Variants in FARS2 observed in about 807,000 individuals in gnomAD.
FARS2 encodes the protein phenylalanyl-tRNA synthetase 2, mitochondrial, also known as phenylalanine--tRNA ligase, mitochondrial.
FARS2 carries 40 observed loss-of-function variants against 46.4 expected under a neutral mutation model. The observed-to-expected ratio is 0.86, with a 90% CI of 0.67 to 1.12. FARS2 has a LOEUF of 1.12. FARS2 is among the 50% of genes most tolerant of loss of function. FARS2 has a pLI of 0.00. For missense variants in FARS2, 513 were observed against 567.9 expected (o/e 0.90, Z 0.98); for synonymous variants, 234 against 214.9 (o/e 1.09, Z -0.78).
intron 1 of FARS2, among the ~76,000 whole-genome samples, chr6:5,338,378 G>C (rs1462598944): frequency 6.6e-6 from 1 of 151,960 alleles, no homozygotes; most frequent in African/African-American, 2.4e-5. Flanking sequence ...GTGTGTTTTC[G>C]TCTCCCTTTC....
intron 4 of FARS2, among the ~76,000 whole-genome samples, chr6:5,505,231 G>A (rs58717764): frequency 0.018 from 2,787 of 152,280 alleles, 108 homozygotes; most frequent in African/African-American, 0.063. Flanking sequence ...GAGATTAGAT[G>A]GAAAAGGCTT....
chr6:5,280,117 G>A (rs1369474555), intron 1 of FARS2, among the ~76,000 whole-genome samples: 1 of 152,184 alleles, frequency 6.6e-6, no homozygotes. Flanking sequence ...TGGCTGCATG[G>A]CAGCCAGCTA....
chr6:5,483,283 A>G (rs751905271), intron 4 of FARS2, among the ~76,000 whole-genome samples: 4 of 152,166 alleles, frequency 2.6e-5, no homozygotes, highest in Non-Finnish European at 5.9e-5. Context: ...TATGTGATCA[A>G]TTCCCAAAAG....
chr6:5,251,978 C>A, the FARS2 span, among the ~76,000 whole-genome samples: 26 of 152,138 alleles, frequency 1.7e-4, no homozygotes, highest in Non-Finnish European at 3.7e-4. Context: ...GATTCCTAAA[C>A]ACGAATCATT....
rs111393676 is a variant in FARS2, at chr6:5,609,918, A to T, written c.1066-3251A>T. On this transcript the variant is annotated intron_variant, in intron 5 of 6. Transcript: ENST00000274680. ...TTAAGTGGGCATCTGGTGTTTGAGA[A>T]TCTTCTCTTGAGACAGCTCTCTTTG... The T allele has an allele frequency of 4.1e-4, 488 of 1,190,768 alleles. 3 individuals are homozygous for T. The African/African-American group carries it at 6.8e-3, about 17-fold the overall frequency. 73.8% of individuals were successfully genotyped at this position (1,190,768 alleles called of 1,614,324 possible).
At chr6:5,324,073 C>G (rs1770176143) in intron 1 of FARS2, among the ~76,000 whole-genome samples, 1 of 152,184 alleles carries the variant, frequency 6.6e-6, no homozygotes, top group Non-Finnish European at 1.5e-5. Context: ...CACCCTAAAA[C>G]CAGTATGTAC....
chr6:5,432,351 T>TAA (rs1491454941), intron 4 of FARS2, among the ~76,000 whole-genome samples: 19 of 42,308 alleles, frequency 4.5e-4, no homozygotes, highest in Admixed American at 1.1e-3. Flanking sequence ...TATATATATA[T>TAA]TATATATATA....
chr6:5,517,512 T>A (rs1252423733), intron 4 of FARS2, among the ~76,000 whole-genome samples: 1 of 151,742 alleles, frequency 6.6e-6, no homozygotes, highest in Non-Finnish European at 1.5e-5. Context: ...ACCGGGAGGC[T>A]GAGGCAGGAG....
At chr6:5,477,971 G>T (rs1418599019) in intron 4 of FARS2, among the ~76,000 whole-genome samples, 1 of 152,180 alleles carries the variant, frequency 6.6e-6, no homozygotes, top group African/African-American at 2.4e-5. Flanking sequence ...AGTGAGCCAT[G>T]ATTGCACCAC....
intron 6 of FARS2, among the ~76,000 whole-genome samples, chr6:5,746,288 C>T (rs146986665): frequency 6.6e-4 from 101 of 152,192 alleles, no homozygotes; most frequent in African/African-American, 2.1e-3. Flanking sequence ...TTAGATGGTG[C>T]GTGGAAGAGG....
At chr6:5,695,343 C>A (rs1561806479) in intron 6 of FARS2, 1 of 152,284 alleles carries the variant, frequency 6.6e-6, no homozygotes, top group Non-Finnish European at 1.5e-5. Flanking sequence ...GACTGGCCCA[C>A]GGGCGGTACG....
chr6:5,504,437 T>TAAA (rs143444280), intron 4 of FARS2, among the ~76,000 whole-genome samples: 7 of 126,462 alleles, frequency 5.5e-5, no homozygotes, highest in African/African-American at 8.9e-5. Context: ...TGCTTTCCAG[T>TAAA]AAAAAAAAAA....
chr6:5,695,887 A>G (rs1758074428), intron 6 of FARS2, among the ~76,000 whole-genome samples: 1 of 152,218 alleles, frequency 6.6e-6, no homozygotes, highest in South Asian at 2.1e-4. Flanking sequence ...TAAAAGGCCA[A>G]TTTTTTAAAA....
intron 6 of FARS2, among the ~76,000 whole-genome samples, chr6:5,668,686 G>GTTTTTTTTTTTTT (rs58819474): frequency 1.9e-5 from 1 of 53,404 alleles, no homozygotes; most frequent in African/African-American, 6.8e-5. Flanking sequence ...GTGTGTTTGG[G>GTTTTTTTTTTTTT]TTTTTTTTTT....
chr6:5,729,091 T>A (rs898146036), intron 6 of FARS2, among the ~76,000 whole-genome samples: 1 of 152,192 alleles, frequency 6.6e-6, no homozygotes, highest in African/African-American at 2.4e-5. Flanking sequence ...ATGACTCTTA[T>A]TTCCGTTTTT....
upstream of FARS2, chr6:5,261,059 G>A (rs13191012): frequency 0.28 from 192,084 of 692,584 alleles, 30,975 homozygotes; most frequent in African/African-American, 0.62. Context: ...GCGGGAGGGC[G>A]GGGAAATAAG....
At chr6:5,312,302 T>G (rs921904302) in intron 1 of FARS2, among the ~76,000 whole-genome samples, 1 of 152,220 alleles carries the variant, frequency 6.6e-6, no homozygotes, top group African/African-American at 2.4e-5. Context: ...AATCTATAAG[T>G]CTCATAGCTT....
At chr6:5,320,077 A>G (rs1160617239) in intron 1 of FARS2, among the ~76,000 whole-genome samples, 5 of 152,250 alleles carry the variant, frequency 3.3e-5, no homozygotes, top group Admixed American at 3.3e-4. Flanking sequence ...ATAGATCCCA[A>G]GGTCAAGTTG....
intron 1 of FARS2, among the ~76,000 whole-genome samples, chr6:5,342,452 C>G (rs1771725022): frequency 6.6e-6 from 1 of 152,192 alleles, no homozygotes; most frequent in African/African-American, 2.4e-5. Flanking sequence ...TTAAGTGACT[C>G]ATGGTCAACT....
Sources: gnomAD v4.1 joint callset for allele counts (sites outside exome capture counted in the v4.1 genomes callset) on GRCh38, gnomAD v4.1.1 for gene constraint, MANE v1.5 for transcripts, NCBI Gene and HGNC (gene_info 2026-07-23, HGNC 2026-07-21) for gene names.